Variants in TRPC7 observed in about 807,000 individuals in gnomAD.
The protein encoded by TRPC7 is short transient receptor potential channel 7.
A neutral mutation model predicts 90.1 loss-of-function variants in TRPC7; 42 were observed. That is an observed-to-expected ratio of 0.47 (90% CI 0.36 to 0.60). TRPC7 has a LOEUF of 0.60. TRPC7 is among the 20% of genes least tolerant of loss of function. The pLI is 0.00. For missense variants in TRPC7, 955 were observed against 1,112.3 expected (o/e 0.86, Z 2.01); for synonymous variants, 451 against 436.3 (o/e 1.03, Z -0.42).
intron 3 of TRPC7, among the ~76,000 whole-genome samples, chr5:136,285,524 G>T (rs1757685380): frequency 6.6e-6 from 1 of 152,164 alleles, no homozygotes; most frequent in Non-Finnish European, 1.5e-5. Context: ...GCCAGTGTGG[G>T]TCTAATTTAA....
chr5:136,279,540 G>A (rs1407570499), intron 3 of TRPC7, among the ~76,000 whole-genome samples: 2 of 152,136 alleles, frequency 1.3e-5, no homozygotes, highest in Non-Finnish European at 2.9e-5. Flanking sequence ...TGGGTTTCCA[G>A]TCTGGTTATG....
chr5:136,272,767 T>G (rs1475729100), intron 4 of TRPC7, among the ~76,000 whole-genome samples: 1 of 152,102 alleles, frequency 6.6e-6, no homozygotes, highest in African/African-American at 2.4e-5. Context: ...GGACCAAACT[T>G]CCCTGCAACT....
At chr5:136,332,027 C>A (rs6886639) in intron 2 of TRPC7, among the ~76,000 whole-genome samples, 5 of 151,960 alleles carry the variant, frequency 3.3e-5, no homozygotes, top group Admixed American at 3.3e-4. Context: ...GAGAGAAGAA[C>A]GTGGTGGGAT....
At chr5:136,223,249 G>T (rs561187973) in intron 10 of TRPC7, among the ~76,000 whole-genome samples, 1 of 152,358 alleles carries the variant, frequency 6.6e-6, no homozygotes, top group South Asian at 2.1e-4. Context: ...TTCCTGGGGA[G>T]ATTCAAGGCA....
chr5:136,339,631 C>T (rs1384250239), intron 2 of TRPC7, among the ~76,000 whole-genome samples: 1 of 152,068 alleles, frequency 6.6e-6, no homozygotes. Context: ...GTCCTGTGTC[C>T]CCCACCCAGA....
intron 2 of TRPC7, among the ~76,000 whole-genome samples, chr5:136,336,505 G>A (rs1759668634): frequency 6.6e-6 from 1 of 151,254 alleles, no homozygotes; most frequent in African/African-American, 2.4e-5. Flanking sequence ...GGGAAAGGAA[G>A]GTTTTTTTTT....
In TRPC7 at chr5:136,223,352, G is replaced by T. The variant is rs142379800; in HGVS notation, c.2343+1922C>A. Among the ~76,000 whole-genome samples the T allele has an allele frequency of 7.6e-3, 1,164 of 152,314 alleles. 62 individuals carry two copies. The highest frequency in any genetic ancestry group is 0.068 in the Admixed American group (1,041 of 15,304). On this transcript the variant is annotated intron_variant, in intron 10 of 11. Transcript: ENST00000513104. ...TCTCCTGCTAGGCGTGGTGGCTCAT[G>T]CCTGTAATCCCAGCACTTTGGGAGG...
chr5:136,324,275 AT>A (rs1759281012), intron 2 of TRPC7, among the ~76,000 whole-genome samples: 1 of 152,116 alleles, frequency 6.6e-6, no homozygotes, highest in South Asian at 2.1e-4. Context: ...GTTCAAATGT[AT>A]TTCTTAAAAT....
At chr5:136,319,204 T>C (rs1273929197) in intron 2 of TRPC7, among the ~76,000 whole-genome samples, 1 of 152,184 alleles carries the variant, frequency 6.6e-6, no homozygotes, top group African/African-American at 2.4e-5. Context: ...TCCTATTTTA[T>C]CAAGAAATAG....
At chr5:136,358,185 C>T (rs1054640843) in intron 1 of TRPC7, among the ~76,000 whole-genome samples, 3 of 152,156 alleles carry the variant, frequency 2.0e-5, no homozygotes, top group African/African-American at 7.2e-5. Context: ...ACTGAAGCAA[C>T]CCTTCTGAGA....
chr5:136,274,064 T>G (rs1561696755), intron 4 of TRPC7, among the ~76,000 whole-genome samples: 2 of 152,176 alleles, frequency 1.3e-5, no homozygotes, highest in South Asian at 2.1e-4. Context: ...TTTGCCTTTT[T>G]CCTTCCTGCA....
chr5:136,342,762 G>A (rs147677197), intron 2 of TRPC7, among the ~76,000 whole-genome samples: 1 of 152,296 alleles, frequency 6.6e-6, no homozygotes, highest in African/African-American at 2.4e-5. Flanking sequence ...AGAAAAGCAG[G>A]ATTCCAAATT....
chr5:136,232,436 A>G (rs979122705), intron 7 of TRPC7, among the ~76,000 whole-genome samples: 3 of 152,156 alleles, frequency 2.0e-5, no homozygotes, highest in Non-Finnish European at 4.4e-5. Flanking sequence ...GGCTAGCCAC[A>G]TGTATTAAGC....
intron 2 of TRPC7, among the ~76,000 whole-genome samples, chr5:136,323,131 C>A (rs984340527): frequency 6.6e-6 from 1 of 152,158 alleles, no homozygotes; most frequent in African/African-American, 2.4e-5. Context: ...GTGGATAAGT[C>A]TTACAAGAGC....
intron 7 of TRPC7, among the ~76,000 whole-genome samples, chr5:136,241,254 T>C (rs188655332): frequency 6.6e-6 from 1 of 152,264 alleles, no homozygotes; most frequent in African/African-American, 2.4e-5. Context: ...TTAATAGAGG[T>C]ATTATTTTGA....
chr5:136,216,194 A>T lies in TRPC7; in HGVS notation c.2419+6T>A, dbSNP rs1176384872. 1.9e-6 allele frequency: 3 copies of T among 1,610,356 alleles called. No individual in the cohort carries two copies. In the South Asian group the frequency reaches 3.3e-5, roughly 18 times the overall value. ...TCACCACGTGGGTGGAAATCCAGTC[A>T]TTTACCTTCATTGACTTCGTCATTT... On this transcript the variant is annotated splice_donor_region_variant and intron_variant, in intron 11 of 11. Transcript: ENST00000513104.
chr5:136,292,995 A>C (rs1237940142), intron 3 of TRPC7, among the ~76,000 whole-genome samples: 2 of 152,172 alleles, frequency 1.3e-5, no homozygotes, highest in Non-Finnish European at 2.9e-5. Context: ...TCAACGTATG[A>C]AAATCAATAA....
intron 2 of TRPC7, among the ~76,000 whole-genome samples, chr5:136,344,848 G>T (rs1398075302): frequency 6.6e-6 from 1 of 152,200 alleles, no homozygotes; most frequent in Middle Eastern, 3.2e-3. Flanking sequence ...AAGACTGTAG[G>T]TGCAGGAAAT....
intron 7 of TRPC7, among the ~76,000 whole-genome samples, chr5:136,246,524 C>T (rs1756344951): frequency 6.6e-6 from 1 of 152,184 alleles, no homozygotes; most frequent in Admixed American, 6.5e-5. Context: ...TGGAGAGGTC[C>T]ATCATGCCCA....
Sources: gnomAD v4.1 joint callset for allele counts (sites outside exome capture counted in the v4.1 genomes callset) on GRCh38, gnomAD v4.1.1 for gene constraint, MANE v1.5 for transcripts, NCBI Gene and HGNC (gene_info 2026-07-23, HGNC 2026-07-21) for gene names.